Variants in DIAPH2 observed in about 807,000 individuals in gnomAD.
The protein encoded by DIAPH2 is diaphanous related formin 2.
In DIAPH2, 35 loss-of-function variants were observed where a neutral mutation model predicts 92.7. The ratio of observed to expected loss-of-function variants is 0.38; its 90% CI spans 0.29 to 0.50. The LOEUF is 0.50. Ranked by LOEUF, DIAPH2 falls within the 20% of genes least tolerant of loss-of-function variation. DIAPH2 has a pLI of 0.94. For synonymous variants in DIAPH2, 301 were observed against 280.4 expected, an observed-to-expected ratio of 1.07 and a Z score of -0.73; for missense variants, 701 against 819.5, an observed-to-expected ratio of 0.86 and a Z score of 1.77.
At chrX:97,071,438 A>G (rs2066668824) in intron 17 of DIAPH2, among the ~76,000 whole-genome samples, 1 of 111,393 alleles carries the variant, frequency 9.0e-6, no homozygotes, top group African/African-American at 3.3e-5. Context: ...AGCAGTGACT[A>G]TTATGTTGAA....
At chrX:97,264,852 C>T (rs769473328) in intron 23 of DIAPH2, among the ~76,000 whole-genome samples, 2 of 111,068 alleles carry the variant, frequency 1.8e-5, no homozygotes, top group East Asian at 2.8e-4. Flanking sequence ...GGCATGGTGG[C>T]GGGCACCTGT....
At chrX:97,018,986 AT>A (rs1569280535) in intron 17 of DIAPH2, among the ~76,000 whole-genome samples, 1 of 111,219 alleles carries the variant, frequency 9.0e-6, no homozygotes, top group African/African-American at 3.3e-5. Context: ...ATCTTTCCGG[AT>A]TCTTTCACTG....
intron 4 of DIAPH2, among the ~76,000 whole-genome samples, chrX:96,789,546 A>G (rs996470593): frequency 1.8e-5 from 2 of 112,062 alleles, no homozygotes; most frequent in Admixed American, 9.5e-5. Flanking sequence ...CTTTGTATGA[A>G]TACTGCTTTA....
intron 22 of DIAPH2, among the ~76,000 whole-genome samples, chrX:97,178,198 C>T (rs1460346739): frequency 9.1e-6 from 1 of 110,430 alleles, no homozygotes; most frequent in Non-Finnish European, 1.9e-5. Context: ...GTGATCACAC[C>T]ACTGCGCTCC....
At chrX:96,868,625 A>G (rs181486320) in intron 4 of DIAPH2, among the ~76,000 whole-genome samples, 5 of 111,195 alleles carry the variant, frequency 4.5e-5, no homozygotes, top group Admixed American at 9.6e-5. Flanking sequence ...ATCACCCCCT[A>G]TCTATTTTGA....
intron 4 of DIAPH2, among the ~76,000 whole-genome samples, chrX:96,864,767 A>G (rs1308137588): frequency 1.8e-5 from 2 of 111,944 alleles, no homozygotes; most frequent in East Asian, 2.8e-4. Context: ...GAGAACTGCC[A>G]AAGTCATGAG....
chrX:97,384,584 A>G (rs2069581134), intron 25 of DIAPH2, among the ~76,000 whole-genome samples: 1 of 111,801 alleles, frequency 8.9e-6, no homozygotes, highest in African/African-American at 3.2e-5. Context: ...AAGTTGTTTG[A>G]GGCCGGGCAC....
At chrX:96,691,068 T>C (rs1232616103) in intron 1 of DIAPH2, among the ~76,000 whole-genome samples, 1 of 112,194 alleles carries the variant, frequency 8.9e-6, no homozygotes, top group Non-Finnish European at 1.9e-5. Flanking sequence ...AACATGTTAC[T>C]GAAGTGAAAT....
chrX:97,165,313 G>A lies in DIAPH2; in HGVS notation c.2719+23519G>A, dbSNP rs1337282292. Among the ~76,000 whole-genome samples the A allele has an allele frequency of 3.6e-5, 4 of 111,564 alleles. No homozygotes were observed. In the East Asian group the frequency reaches 1.1e-3, roughly 31 times the overall value. On this transcript the variant is annotated intron_variant, in intron 22 of 26. Transcript: ENST00000324765. ...CCTAAAGGCTGAGTAAGAGGTTGAA[G>A]TATTTTCTGTTGGCAGGGTTAGAGT... is the stretch of plus-strand genomic sequence containing the variant.
chrX:97,145,282 CAGT>C (rs3044923), intron 22 of DIAPH2, among the ~76,000 whole-genome samples: 44 of 92,096 alleles, frequency 4.8e-4, no homozygotes, highest in African/African-American at 1.0e-3. Context: ...GAACTACTAC[CAGT>C]AGTAGTAGTA....
At chrX:96,924,768 G>A (rs1196300356) in intron 9 of DIAPH2, among the ~76,000 whole-genome samples, 2 of 110,745 alleles carry the variant, frequency 1.8e-5, no homozygotes, top group Non-Finnish European at 3.8e-5. Context: ...GAGAGAGAAG[G>A]GGAAGGTGCT....
At chrX:96,787,276 G>A (rs1166900652) in intron 4 of DIAPH2, among the ~76,000 whole-genome samples, 1 of 111,538 alleles carries the variant, frequency 9.0e-6, no homozygotes, top group Non-Finnish European at 1.9e-5. Context: ...GAGGCTATTA[G>A]TTTCAGGTAA....
At chrX:97,345,637 C>T (rs981485663) in intron 23 of DIAPH2, among the ~76,000 whole-genome samples, 3 of 111,878 alleles carry the variant, frequency 2.7e-5, no homozygotes, top group Admixed American at 9.6e-5. Flanking sequence ...CAGACTGCAC[C>T]ATTATTTTTC....
chrX:97,541,628 A>G (rs967447068), intron 26 of DIAPH2, among the ~76,000 whole-genome samples: 4 of 112,233 alleles, frequency 3.6e-5, no homozygotes, highest in Non-Finnish European at 5.6e-5. Context: ...CTTCATTTCT[A>G]TGCCATGATA....
chrX:97,464,871 G>A (rs905612528), intron 26 of DIAPH2, among the ~76,000 whole-genome samples: 3 of 111,148 alleles, frequency 2.7e-5, no homozygotes, highest in Admixed American at 9.6e-5. Context: ...TTTTTGAGAC[G>A]GAGTTTTGCT....
At chrX:97,492,317 C>G (rs1212075938) in intron 26 of DIAPH2, among the ~76,000 whole-genome samples, 1 of 110,896 alleles carries the variant, frequency 9.0e-6, no homozygotes, top group Non-Finnish European at 1.9e-5. Context: ...CAATTATATT[C>G]CCAGCTTCTC....
At chrX:96,961,097 G>A (rs143211846) in intron 16 of DIAPH2, among the ~76,000 whole-genome samples, 9 of 111,470 alleles carry the variant, frequency 8.1e-5, no homozygotes, top group African/African-American at 2.6e-4. Flanking sequence ...TGCTGGCCTC[G>A]TAGGATGAGT....
intron 22 of DIAPH2, among the ~76,000 whole-genome samples, chrX:97,154,867 A>T (rs1056745241): frequency 5.3e-5 from 6 of 112,377 alleles, no homozygotes; most frequent in Non-Finnish European, 9.4e-5. Flanking sequence ...CACTGAATAG[A>T]TATTCTTCGG....
chrX:97,335,905 A>G (rs186834530), intron 23 of DIAPH2, among the ~76,000 whole-genome samples: 1 of 111,734 alleles, frequency 8.9e-6, no homozygotes, highest in East Asian at 2.8e-4. Flanking sequence ...GGCAAGAAAG[A>G]GTTTTAAATG....
Sources: gnomAD v4.1 joint callset for allele counts (sites outside exome capture counted in the v4.1 genomes callset) on GRCh38, gnomAD v4.1.1 for gene constraint, MANE v1.5 for transcripts, NCBI Gene and HGNC (gene_info 2026-07-23, HGNC 2026-07-21) for gene names.